UVRAG: variants seen among roughly 807,000 people sequenced by gnomAD.
UVRAG encodes the protein UV radiation resistance-associated gene protein.
A neutral mutation model predicts 78.0 loss-of-function variants in UVRAG; 19 were observed. The ratio of observed to expected loss-of-function variants is 0.24; its 90% CI spans 0.17 to 0.36. The LOEUF (loss-of-function observed/expected upper bound fraction) is 0.36, where lower values mean the gene tolerates loss of function less well. Ranked by LOEUF, UVRAG falls within the 10% of genes least tolerant of loss-of-function variation. UVRAG has a pLI of 1.00. For synonymous variants in UVRAG, 323 were observed against 324.6 expected, an observed-to-expected ratio of 1.00 and a Z score of 0.05; for missense variants, 740 against 853.8, an observed-to-expected ratio of 0.87 and a Z score of 1.66.
intron 7 of UVRAG, among the ~76,000 whole-genome samples, chr11:75,966,425 C>T (rs1477738424): frequency 1.3e-5 from 2 of 151,978 alleles, no homozygotes; most frequent in African/African-American, 4.8e-5. Context: ...TTCTTTTTTT[C>T]CTATTCCATC....
intron 3 of UVRAG, among the ~76,000 whole-genome samples, chr11:75,865,241 C>T (rs1317294361): frequency 7.2e-6 from 1 of 138,164 alleles, no homozygotes; most frequent in Non-Finnish European, 1.5e-5. Flanking sequence ...GAGCCGAGAT[C>T]GTGCTGTTGC....
chr11:75,888,934 T>C, intron 5 of UVRAG, 31 bp downstream of exon 5: 2 of 1,594,044 alleles, frequency 1.3e-6, no homozygotes, highest in Non-Finnish European at 1.7e-6. Context: ...TTATGAATTT[T>C]GTTTAGTGCA....
At chr11:76,137,733 T>C (rs1488093036) in intron 14 of UVRAG, 1 of 289,540 alleles carries the variant, frequency 3.5e-6, no homozygotes, top group East Asian at 8.8e-5. Flanking sequence ...ATCCTGTCTC[T>C]AAAAAAAAAT....
At chr11:76,127,765 T>C (rs984154457) in intron 14 of UVRAG, among the ~76,000 whole-genome samples, 1 of 152,154 alleles carries the variant, frequency 6.6e-6, no homozygotes, top group African/African-American at 2.4e-5. Flanking sequence ...AAGACCAGCC[T>C]GACCAACATG....
chr11:75,920,008 G>T (rs1387833571), intron 6 of UVRAG, among the ~76,000 whole-genome samples: 21 of 55,494 alleles, frequency 3.8e-4, no homozygotes, highest in East Asian at 2.5e-3. Context: ...AATAATTTTG[G>T]TTTTTTTTTT....
intron 13 of UVRAG, among the ~76,000 whole-genome samples, chr11:76,078,752 C>CAAAAAAAAAA (rs61700855): frequency 1.9e-4 from 7 of 37,200 alleles, no homozygotes; most frequent in African/African-American, 3.4e-4. Flanking sequence ...ACTAAAAATA[C>CAAAAAAAAAA]AAAAAAAAAA....
chr11:75,894,434 C>A (rs1475992976), intron 5 of UVRAG, among the ~76,000 whole-genome samples: 1 of 151,736 alleles, frequency 6.6e-6, no homozygotes, highest in Non-Finnish European at 1.5e-5. Flanking sequence ...AGTGGGTGTT[C>A]AAAGGGTTAA....
At chr11:76,083,923 A>G (rs1951540990) in intron 13 of UVRAG, among the ~76,000 whole-genome samples, 1 of 152,248 alleles carries the variant, frequency 6.6e-6, no homozygotes, top group Non-Finnish European at 1.5e-5. Flanking sequence ...ATTATAACCA[A>G]GGAAGCCTGT....
intron 1 of UVRAG, among the ~76,000 whole-genome samples, chr11:75,841,870 G>A (rs150358531): frequency 1.3e-5 from 2 of 152,178 alleles, no homozygotes; most frequent in East Asian, 3.9e-4. Flanking sequence ...AACCTGAGTG[G>A]CTTAAAATAA....
At chr11:76,023,136 A>G (rs1360947299) in intron 12 of UVRAG, among the ~76,000 whole-genome samples, 1 of 152,026 alleles carries the variant, frequency 6.6e-6, no homozygotes, top group Non-Finnish European at 1.5e-5. Flanking sequence ...TTTTATTTAC[A>G]TATGTAATTA....
chr11:75,879,565 T>C (rs1946891867), intron 3 of UVRAG, among the ~76,000 whole-genome samples: 1 of 152,258 alleles, frequency 6.6e-6, no homozygotes, highest in East Asian at 1.9e-4. Flanking sequence ...TTGAGGGCAT[T>C]GTTTATGTGT....
chr11:76,017,758 G>C (rs2135371592), intron 12 of UVRAG, among the ~76,000 whole-genome samples: 1 of 152,190 alleles, frequency 6.6e-6, no homozygotes, highest in South Asian at 2.1e-4. Context: ...GGAAAAAACA[G>C]AACTGTCCAC....
At chr11:75,879,702 A>C (rs1680837683) in intron 3 of UVRAG, among the ~76,000 whole-genome samples, 177 bp from the exon 4 acceptor site, 1 of 152,236 alleles carries the variant, frequency 6.6e-6, no homozygotes, top group African/African-American at 2.4e-5. Flanking sequence ...GAAATTCAAA[A>C]GTACCATTAT....
chr11:75,825,588 T>C (rs1404103998), intron 1 of UVRAG, among the ~76,000 whole-genome samples: 1 of 152,160 alleles, frequency 6.6e-6, no homozygotes, highest in Non-Finnish European at 1.5e-5. Flanking sequence ...TCCATCTTAT[T>C]TTAAGATGGA....
chr11:75,915,564 T>G (rs1015873067), intron 6 of UVRAG, among the ~76,000 whole-genome samples: 1 of 152,238 alleles, frequency 6.6e-6, no homozygotes, highest in African/African-American at 2.4e-5. Flanking sequence ...TCAATGTTAT[T>G]CCTTAACTAG....
chr11:75,970,171 T>G (rs1949097204), intron 7 of UVRAG, among the ~76,000 whole-genome samples: 3 of 152,198 alleles, frequency 2.0e-5, no homozygotes, highest in Non-Finnish European at 2.9e-5. Flanking sequence ...ATATTCATTT[T>G]GGGGACAGAA....
intron 7 of UVRAG, among the ~76,000 whole-genome samples, chr11:75,972,220 A>G (rs1273348043): frequency 1.3e-5 from 2 of 152,034 alleles, no homozygotes; most frequent in African/African-American, 4.8e-5. Context: ...TGCAGATTTT[A>G]AAGATTTCCA....
intron 7 of UVRAG, among the ~76,000 whole-genome samples, chr11:75,971,499 C>A (rs1425302946): frequency 6.6e-6 from 1 of 152,184 alleles, no homozygotes; most frequent in Non-Finnish European, 1.5e-5. Context: ...TCTTTGCCAG[C>A]ATTTGGTGGT....
intron 13 of UVRAG, among the ~76,000 whole-genome samples, chr11:76,072,789 A>C (rs1226807350): frequency 6.6e-6 from 1 of 152,222 alleles, no homozygotes; most frequent in Non-Finnish European, 1.5e-5. Flanking sequence ...AGATTTTCTG[A>C]ATAGTTTCAC....
Sources: allele counts gnomAD v4.1 joint callset (sites outside exome capture counted in the v4.1 genomes callset), GRCh38; gene constraint gnomAD v4.1.1; transcripts MANE v1.5; gene names NCBI Gene and HGNC (gene_info 2026-07-23, HGNC 2026-07-21).